The following AGO3 variants were observed in gnomAD, a reference collection of about 807,000 sequenced individuals.
AGO3 encodes protein argonaute-3.
In AGO3, 16 loss-of-function variants were observed where a neutral mutation model predicts 105.5. That is an observed-to-expected ratio of 0.15 (90% CI 0.10 to 0.23). The LOEUF is 0.23. Among genes scored for constraint, AGO3 ranks in the 10% least tolerant of loss-of-function variants. The pLI is 1.00. For synonymous variants in AGO3, 340 were observed against 367.3 expected (o/e 0.93, Z 0.85); for missense variants, 534 against 1,088.0 (o/e 0.49, Z 7.16).
intron 2 of AGO3, among the ~76,000 whole-genome samples, chr1:35,953,653 GT>G: frequency 1.4e-5 from 2 of 142,342 alleles, no homozygotes; most frequent in South Asian, 4.3e-4. Context: ...AGCCTCCCAA[GT>G]AGCATACCAC....
chr1:36,034,299 G>A lies in AGO3; in HGVS notation c.1717G>A (p.Gly573Arg). 6.2e-7 allele frequency: 1 copy of A among 1,607,376 alleles called. No homozygotes were observed. The highest frequency in any genetic ancestry group is 8.5e-7 in the Non-Finnish European group (1 of 1,177,774). The change falls in exon 13 of 19, where the codon GGA becomes AGA. Residue 573 changes from glycine to arginine, a missense_variant. This residue lies in a region of AGO3 where 373 missense variants were observed against 854.0 expected (regional missense o/e 0.44). Coordinates refer to ENST00000373191, the MANE Select transcript of AGO3 (RefSeq NM_024852.4). ...NLCLKINVKL[G>R]GINNILVPHQ... ...GTGCCTAAAGATAAATGTTAAACTC[G>A]GAGGGATCAATAATATTCTTGTACC...
chr1:36,063,023 A>G lies in AGO3; in HGVS notation c.*7278A>G, dbSNP rs1280114950. On this transcript the variant is annotated 3_prime_UTR_variant, in exon 19 of 19. Transcript: ENST00000373191. The stretch of plus-strand genomic sequence containing the variant: ...GTCGGTTTTAAGGTATTTTATTTTT[A>G]TAGATATTTCTAGCTTTCCTCATTC... 6.6e-6 allele frequency: 1 copy of G among 152,128 alleles called. No homozygotes were observed. Among genetic ancestry groups the G allele is most frequent in the Non-Finnish European group, 1.5e-5 (1 of 68,022 alleles). The allele number at this position is 152,128 out of a possible 1,614,324, so 9.4% of individuals were successfully genotyped here.
At chr1:35,970,506 T>C (rs1042357063) in intron 3 of AGO3, among the ~76,000 whole-genome samples, 2 of 152,204 alleles carry the variant, frequency 1.3e-5, no homozygotes, top group Non-Finnish European at 2.9e-5. Context: ...AACCTACTAA[T>C]GATTCAAGGC....
chr1:36,056,268 G>C lies in AGO3; in HGVS notation c.*523G>C, dbSNP rs933998366. 2 of 152,360 alleles carry C rather than the reference G, an allele frequency of 1.3e-5. No homozygotes were observed. The highest frequency in any genetic ancestry group is 4.8e-5 in the African/African-American group (2 of 41,380). The allele number at this position is 152,360 out of a possible 1,614,324, so 9.4% of individuals were successfully genotyped here. On this transcript the variant is annotated 3_prime_UTR_variant, in exon 19 of 19. Transcript: ENST00000373191. ...TATATCTAGATCTGGATTGATAATAGATATATATGTGTCTGTTATATATTT... is the reference window on the plus strand; with the variant it reads ...TATATCTAGATCTGGATTGATAATACATATATATGTGTCTGTTATATATTT...
At chr1:36,007,827 T>G (rs1640409669) in intron 6 of AGO3, among the ~76,000 whole-genome samples, 1 of 152,130 alleles carries the variant, frequency 6.6e-6, no homozygotes, top group Non-Finnish European at 1.5e-5. Flanking sequence ...TCAAGAAAAT[T>G]CTCTTTGACA....
intron 5 of AGO3, among the ~76,000 whole-genome samples, chr1:35,996,823 A>G (rs1168514199): frequency 6.6e-6 from 1 of 152,032 alleles, no homozygotes; most frequent in South Asian, 2.1e-4. Context: ...GAGAAGATGC[A>G]GAACATCGTT....
intron 11 of AGO3, among the ~76,000 whole-genome samples, chr1:36,021,335 T>A (rs1474886731): frequency 1.3e-5 from 2 of 152,128 alleles, no homozygotes; most frequent in Non-Finnish European, 2.9e-5. Flanking sequence ...CTTTAAATGG[T>A]CATAAAGACA....
intron 11 of AGO3, among the ~76,000 whole-genome samples, chr1:36,021,766 A>G (rs1372597222): frequency 6.6e-6 from 1 of 152,188 alleles, no homozygotes; most frequent in Non-Finnish European, 1.5e-5. Flanking sequence ...GGTGATCATT[A>G]AAAGGTTTTT....
chr1:36,071,555 A>G lies in AGO3; in HGVS notation c.*15810A>G, dbSNP rs961905626. ...ACTGAAACCCAGTTTCAGCAAGGCA[A>G]AATGATGGGACTCTCAAACCTCCCT... On this transcript the variant is annotated 3_prime_UTR_variant, in exon 19 of 19. Coordinates refer to ENST00000373191, the MANE Select transcript of AGO3 (RefSeq NM_024852.4). 6.6e-6 allele frequency: 1 copy of G among 152,198 alleles called. No individual in the cohort carries two copies. Among genetic ancestry groups the G allele is most frequent in the Non-Finnish European group, 1.5e-5 (1 of 68,036 alleles). The allele number at this position is 152,198 out of a possible 1,614,324, so 9.4% of individuals were successfully genotyped here.
intron 12 of AGO3, among the ~76,000 whole-genome samples, chr1:36,028,419 C>A (rs1336926418): frequency 1.5e-5 from 2 of 132,520 alleles, no homozygotes; most frequent in Non-Finnish European, 3.2e-5. Flanking sequence ...CAACAGTCCC[C>A]AGAGTGTGAT....
chr1:36,004,617 A>T (rs1008943372), intron 6 of AGO3, 142 bp downstream of exon 6: 4 of 768,654 alleles, frequency 5.2e-6, no homozygotes, highest in African/African-American at 1.8e-5. Context: ...AAAATATTAC[A>T]TTAAATTCAT....
At chr1:36,021,933 T>G (rs146753398) in intron 11 of AGO3, among the ~76,000 whole-genome samples, 1,660 of 152,282 alleles carry the variant, frequency 0.011, 13 homozygotes, top group Middle Eastern at 0.02. Flanking sequence ...TATTTTGCTG[T>G]TACTGAAGCT....
intron 5 of AGO3, among the ~76,000 whole-genome samples, chr1:36,002,245 T>C (rs1342729376): frequency 6.6e-6 from 1 of 151,784 alleles, no homozygotes; most frequent in African/African-American, 2.4e-5. Context: ...GATCTTGAAC[T>C]AATTTCAAGT....
chr1:36,038,286 G>A (rs1332828230), intron 14 of AGO3, among the ~76,000 whole-genome samples: 9 of 121,342 alleles, frequency 7.4e-5, no homozygotes, highest in South Asian at 2.6e-4. Flanking sequence ...ACAGAGCCTC[G>A]CTCTGTAGCT....
Position 36,043,398 on chromosome 1 carries a change from T to C in AGO3, c.2173-49T>C, listed in dbSNP as rs763675582. The C allele has an allele frequency of 2.7e-6, 4 of 1,461,580 alleles. No individual in the cohort carries two copies. In the African/African-American group the frequency reaches 4.2e-5, roughly 15 times the overall value. 90.5% of individuals were successfully genotyped at this position (1,461,580 alleles called of 1,614,324 possible). On this transcript the variant is annotated intron_variant, in intron 16 of 18. Transcript: ENST00000373191. ...ACATTTTTTAAAGTGCTTTCAGATA[T>C]ATTTTTACCTTTTTCTTGTTTGTTT...
At chr1:36,000,920 G>T (rs1484610607) in intron 5 of AGO3, among the ~76,000 whole-genome samples, 2 of 151,848 alleles carry the variant, frequency 1.3e-5, no homozygotes, top group Non-Finnish European at 2.9e-5. Context: ...AGTGAATATT[G>T]ATTTCTCTTA....
At chr1:36,021,533 G>GT (rs1370284089) in intron 11 of AGO3, among the ~76,000 whole-genome samples, 1 of 152,030 alleles carries the variant, frequency 6.6e-6, no homozygotes, top group Non-Finnish European at 1.5e-5. Flanking sequence ...ATTTGACACT[G>GT]TTTCTCATGT....
chr1:35,944,037 T>C (rs1239159384), intron 1 of AGO3, among the ~76,000 whole-genome samples: 2 of 152,240 alleles, frequency 1.3e-5, no homozygotes, highest in Non-Finnish European at 2.9e-5. Context: ...TATCAGTGGG[T>C]ACTTAGGGTG....
At chr1:36,017,335 C>T (rs1348612854) in intron 11 of AGO3, among the ~76,000 whole-genome samples, 4 of 152,122 alleles carry the variant, frequency 2.6e-5, no homozygotes, top group Non-Finnish European at 5.9e-5. Flanking sequence ...CAACCAAGCA[C>T]CCTGTTTGTT....
Sources: allele counts gnomAD v4.1 joint callset (sites outside exome capture counted in the v4.1 genomes callset), GRCh38; gene constraint gnomAD v4.1.1; regional missense constraint gnomAD v4.1.1; transcripts MANE v1.5; gene names NCBI Gene and HGNC (gene_info 2026-07-23, HGNC 2026-07-21).